KLF12: variants seen among roughly 807,000 people sequenced by gnomAD.
KLF12 encodes KLF transcription factor 12, also known as Krueppel-like factor 12.
Under a neutral mutation model 37.8 loss-of-function variants are expected in KLF12, and 9 were observed. That is an observed-to-expected ratio of 0.24 (90% CI 0.14 to 0.42). The LOEUF is 0.42. Among genes scored for constraint, KLF12 ranks in the 10% least tolerant of loss-of-function variants. The pLI is 1.00. For synonymous variants in KLF12, 208 were observed against 202.1 expected, an observed-to-expected ratio of 1.03 and a Z score of -0.25; for missense variants, 411 against 516.0, an observed-to-expected ratio of 0.80 and a Z score of 1.97.
At chr13:73,882,650 G>A (rs145745908) in intron 3 of KLF12, among the ~76,000 whole-genome samples, 24 of 152,224 alleles carry the variant, frequency 1.6e-4, no homozygotes, top group African/African-American at 5.5e-4. Flanking sequence ...CATATGCCAC[G>A]ATTAAACGGT....
At chr13:74,270,314 G>T in the KLF12 span, among the ~76,000 whole-genome samples, 1 of 152,146 alleles carries the variant, frequency 6.6e-6, no homozygotes, top group African/African-American at 2.4e-5. Context: ...TGAATAGAGG[G>T]TTAGGGTTTT....
At chr13:74,017,379 C>T (rs1892719434) in intron 1 of KLF12, among the ~76,000 whole-genome samples, 1 of 147,980 alleles carries the variant, frequency 6.8e-6, no homozygotes, top group African/African-American at 2.5e-5. Context: ...CAGAACCAGA[C>T]AAGTCATTTG....
intron 1 of KLF12, among the ~76,000 whole-genome samples, chr13:74,083,364 A>G (rs767074779): frequency 3.3e-5 from 5 of 152,102 alleles, no homozygotes; most frequent in Non-Finnish European, 7.4e-5. Flanking sequence ...AAATTAGCCC[A>G]GGTATGGTGA....
At position 74,086,387 on chromosome 13, in the gene KLF12, C is replaced by T. The variant is rs151124398; in HGVS notation, c.-32+47352G>A. Among the ~76,000 whole-genome samples the T allele has an allele frequency of 1.1e-3, 164 of 150,562 alleles. 1 individual carries two copies. The East Asian group carries it at 0.027, about 25-fold the overall frequency. On this transcript the variant is annotated intron_variant, in intron 1 of 7. Transcript: ENST00000377669. ...TGCGGTGTTTGGTTTTTTGTCCTTG[C>T]GATAGTTTGCTGAGAATGATGATTT...
chr13:74,015,501 C>T (rs1892665046), intron 1 of KLF12, among the ~76,000 whole-genome samples: 1 of 152,098 alleles, frequency 6.6e-6, no homozygotes, highest in African/African-American at 2.4e-5. Flanking sequence ...CTTTTATCCA[C>T]CCTAGTGCGC....
chr13:74,006,531 G>C (rs950589316), intron 1 of KLF12, among the ~76,000 whole-genome samples: 9 of 152,140 alleles, frequency 5.9e-5, no homozygotes, highest in African/African-American at 2.2e-4. Flanking sequence ...TCATCTTATT[G>C]TACGTCTGGA....
At chr13:73,929,140 T>C (rs1889546883) in intron 3 of KLF12, among the ~76,000 whole-genome samples, 1 of 152,244 alleles carries the variant, frequency 6.6e-6, no homozygotes, top group Middle Eastern at 3.4e-3. Flanking sequence ...TGGGTAGTGA[T>C]TGTAAGTAGA....
At chr13:73,946,068 A>G (rs1011949110) in intron 2 of KLF12, among the ~76,000 whole-genome samples, 1 of 151,962 alleles carries the variant, frequency 6.6e-6, no homozygotes, top group Non-Finnish European at 1.5e-5. Flanking sequence ...CCAGCCCTCG[A>G]CTCTCCGGAG....
At chr13:73,721,049 T>C (rs995366169) in intron 6 of KLF12, among the ~76,000 whole-genome samples, 38 of 152,170 alleles carry the variant, frequency 2.5e-4, no homozygotes, top group Admixed American at 6.5e-5. Context: ...AGGATAACAA[T>C]GATATTTACA....
At chr13:74,244,927 A>G in the KLF12 span, among the ~76,000 whole-genome samples, 2 of 152,248 alleles carry the variant, frequency 1.3e-5, no homozygotes, top group African/African-American at 4.8e-5. Context: ...AGATGGTGAC[A>G]GCAGCAACAA....
rs1342602647 is a variant in KLF12 at position 74,077,774 on chromosome 13, G to C, written c.-32+55965C>G. Among the ~76,000 whole-genome samples, 3 of 152,174 alleles carry C rather than the reference G, an allele frequency of 2.0e-5. No individual in the cohort carries two copies. The East Asian group carries it at 5.8e-4, about 29-fold the overall frequency. Reference sequence around the variant, plus strand: ...CAAAAAGAGAAAGAACAAGTTCTCGGACATGGTTACTTTGTCCAGGAATCT... The same window carrying C: ...CAAAAAGAGAAAGAACAAGTTCTCGCACATGGTTACTTTGTCCAGGAATCT... On this transcript the variant is annotated intron_variant, in intron 1 of 7. Coordinates refer to ENST00000377669, the MANE Select transcript of KLF12 (RefSeq NM_007249.5).
chr13:74,049,977 T>C (rs908429177), intron 1 of KLF12, among the ~76,000 whole-genome samples: 2 of 151,740 alleles, frequency 1.3e-5, no homozygotes, highest in Non-Finnish European at 2.9e-5. Context: ...GTGGTTTTGT[T>C]GTTGTTGTTG....
At chr13:73,942,697 T>A (rs1192678011) in intron 3 of KLF12, among the ~76,000 whole-genome samples, 1 of 152,220 alleles carries the variant, frequency 6.6e-6, no homozygotes, top group East Asian at 1.9e-4. Context: ...TTGGGCTGAA[T>A]CTGTTATGAA....
At position 73,695,486 on chromosome 13, in the gene KLF12, T is replaced by C. The variant is rs1381001230; in HGVS notation, c.*4A>G. 1.9e-6 allele frequency: 3 copies of C among 1,613,434 alleles called. No individual in the cohort carries two copies. Among genetic ancestry groups the C allele is most frequent in the Admixed American group, 3.3e-5 (2 of 60,020 alleles). ...CTTACGCTCAGCTGGACAGGTAGCA[T>C]TCCTCACACCAACATATGCCTCCGG... On this transcript the variant is annotated 3_prime_UTR_variant, in exon 8 of 8. Coordinates refer to ENST00000377669, the MANE Select transcript of KLF12 (RefSeq NM_007249.5).
intron 1 of KLF12, among the ~76,000 whole-genome samples, chr13:74,013,947 T>C (rs1892616966): frequency 6.6e-6 from 1 of 152,072 alleles, no homozygotes; most frequent in Non-Finnish European, 1.5e-5. Flanking sequence ...TCAGAGTAGT[T>C]GGGACTACAA....
chr13:73,781,537 A>G (rs528931485), intron 5 of KLF12, among the ~76,000 whole-genome samples: 1 of 152,346 alleles, frequency 6.6e-6, no homozygotes, highest in South Asian at 2.1e-4. Flanking sequence ...ATCAAGACAA[A>G]CTGAATTTAC....
intron 1 of KLF12, among the ~76,000 whole-genome samples, chr13:73,996,027 C>T (rs914295669): frequency 1.3e-5 from 2 of 152,158 alleles, no homozygotes; most frequent in African/African-American, 4.8e-5. Context: ...GTGTATGTTT[C>T]CATACATTTG....
intron 1 of KLF12, among the ~76,000 whole-genome samples, chr13:74,109,040 A>G (rs1317756904): frequency 1.3e-5 from 2 of 152,236 alleles, no homozygotes; most frequent in Non-Finnish European, 2.9e-5. Flanking sequence ...TTTTCTAACT[A>G]GAAATTAATG....
chr13:74,109,307 AT>A lies in KLF12; in HGVS notation c.-32+24431del, dbSNP rs1164758907. 3.8e-3 allele frequency among the ~76,000 whole-genome samples: 564 copies of A among 147,010 alleles called. 3 individuals are homozygous for A. Among genetic ancestry groups the A allele is most frequent in the African/African-American group, 0.01 (424 of 40,520 alleles). On this transcript the variant is annotated intron_variant, in intron 1 of 7. Coordinates refer to ENST00000377669, the MANE Select transcript of KLF12 (RefSeq NM_007249.5). The stretch of plus-strand genomic sequence containing the variant: ...TTATTGAAGGTAAGTGTTAATGTCA[AT>A]TTTTTTTTTTTTAAATAAGAGACCT...
Sources: gnomAD v4.1 joint callset for allele counts (sites outside exome capture counted in the v4.1 genomes callset) on GRCh38, gnomAD v4.1.1 for gene constraint, MANE v1.5 for transcripts, NCBI Gene and HGNC (gene_info 2026-07-23, HGNC 2026-07-21) for gene names.